FOXP2: variants seen among roughly 807,000 people sequenced by gnomAD.
FOXP2 encodes forkhead box protein P2.
FOXP2 carries 12 observed loss-of-function variants against 115.8 expected under a neutral mutation model. The ratio of observed to expected loss-of-function variants is 0.10; its 90% CI spans 0.07 to 0.17. FOXP2 has a LOEUF of 0.17. Ranked by LOEUF, FOXP2 falls within the 10% of genes least tolerant of loss-of-function variation. The pLI, the probability that FOXP2 is intolerant of heterozygous loss-of-function variation, is 1.00. For missense variants in FOXP2, 629 were observed against 843.5 expected (o/e 0.75, Z 3.15); for synonymous variants, 328 against 297.7 (o/e 1.10, Z -1.05).
At chr7:114,613,608 G>A (rs939167472) in intron 3 of FOXP2, among the ~76,000 whole-genome samples, 3 of 151,412 alleles carry the variant, frequency 2.0e-5, no homozygotes, top group Non-Finnish European at 4.4e-5. Context: ...CCGGGAGGCA[G>A]AGGTTGCAGT....
At chr7:114,311,987 C>G (rs1797157071) in intron 2 of FOXP2, among the ~76,000 whole-genome samples, 1 of 152,046 alleles carries the variant, frequency 6.6e-6, no homozygotes, top group Non-Finnish European at 1.5e-5. Flanking sequence ...CCTTACCAGC[C>G]AAGCTGGGTG....
chr7:114,581,958 A>G (rs1002562975), intron 3 of FOXP2, among the ~76,000 whole-genome samples: 5 of 152,236 alleles, frequency 3.3e-5, no homozygotes, highest in Non-Finnish European at 7.3e-5. Context: ...TCACCAAGAA[A>G]GAAGTACATA....
At chr7:114,173,068 A>T (rs1793190446) in intron 1 of FOXP2, among the ~76,000 whole-genome samples, 1 of 151,950 alleles carries the variant, frequency 6.6e-6, no homozygotes, top group South Asian at 2.1e-4. Context: ...ATTACATTAA[A>T]TATAAGAATA....
chr7:114,450,898 T>C (rs1002635630), intron 2 of FOXP2, among the ~76,000 whole-genome samples: 4 of 152,090 alleles, frequency 2.6e-5, no homozygotes, highest in African/African-American at 9.7e-5. Context: ...CTTTTTGAAC[T>C]TAATGTCTCT....
chr7:114,297,870 A>AT (rs1158070939), intron 2 of FOXP2, among the ~76,000 whole-genome samples: 1 of 152,164 alleles, frequency 6.6e-6, no homozygotes, highest in South Asian at 2.1e-4. Context: ...TGAAAGTATA[A>AT]TTAGTTACCC....
chr7:114,329,757 A>T (rs957067206), intron 2 of FOXP2, among the ~76,000 whole-genome samples: 1 of 149,466 alleles, frequency 6.7e-6, no homozygotes, highest in Non-Finnish European at 1.5e-5. Context: ...GCTCACTGCA[A>T]CCTCCGCCTC....
chr7:114,629,595 T>C, intron 4 of FOXP2: 1 of 1,550,002 alleles, frequency 6.5e-7, no homozygotes. Context: ...TGTTTAGGAT[T>C]TTTTGGATTC....
At chr7:114,490,185 A>G (rs1003065093) in intron 2 of FOXP2, among the ~76,000 whole-genome samples, 4 of 152,190 alleles carry the variant, frequency 2.6e-5, no homozygotes, top group Non-Finnish European at 5.9e-5. Context: ...CTTTCAATAG[A>G]TAAATAGATA....
At chr7:114,576,801 G>A (rs1033088490) in intron 3 of FOXP2, among the ~76,000 whole-genome samples, 3 of 151,794 alleles carry the variant, frequency 2.0e-5, no homozygotes, top group African/African-American at 7.2e-5. Flanking sequence ...TCTAAACATC[G>A]CTTAAGGAAA....
chr7:114,549,452 G>C (rs1040498596), intron 3 of FOXP2, among the ~76,000 whole-genome samples: 1 of 152,132 alleles, frequency 6.6e-6, no homozygotes, highest in Non-Finnish European at 1.5e-5. Flanking sequence ...ATTTTATTCT[G>C]TAAAGGCTGA....
intron 3 of FOXP2, among the ~76,000 whole-genome samples, chr7:114,553,699 G>A (rs983599843): frequency 1.3e-5 from 2 of 152,082 alleles, no homozygotes; most frequent in African/African-American, 4.8e-5. Flanking sequence ...CCTTTTGATA[G>A]CTCTGAGTAT....
chr7:114,600,669 T>A (rs1184940621), intron 3 of FOXP2, among the ~76,000 whole-genome samples: 1 of 152,224 alleles, frequency 6.6e-6, no homozygotes, highest in Non-Finnish European at 1.5e-5. Flanking sequence ...CAGCATTTGA[T>A]GTTAGTGTTC....
chr7:114,484,524 C>T (rs1285368954), intron 2 of FOXP2, among the ~76,000 whole-genome samples: 12 of 151,716 alleles, frequency 7.9e-5, no homozygotes, highest in African/African-American at 2.4e-5. Flanking sequence ...GTAGTGTATT[C>T]GGTATGTATG....
chr7:114,152,608 G>C (rs907893572), intron 1 of FOXP2, among the ~76,000 whole-genome samples: 2 of 152,090 alleles, frequency 1.3e-5, no homozygotes, highest in Non-Finnish European at 2.9e-5. Context: ...CTGGAACATC[G>C]CCTACATGAA....
At chr7:114,524,866 T>C (rs1798789061) in intron 2 of FOXP2, among the ~76,000 whole-genome samples, 2 of 152,170 alleles carry the variant, frequency 1.3e-5, no homozygotes, top group African/African-American at 2.4e-5. Context: ...GGGTGTATTG[T>C]ATATGTGCAT....
intron 3 of FOXP2, among the ~76,000 whole-genome samples, chr7:114,603,439 A>T (rs1803140024): frequency 6.6e-6 from 1 of 152,370 alleles, no homozygotes; most frequent in Admixed American, 6.5e-5. Context: ...TATGCATGGC[A>T]TTTCTGCCAT....
At chr7:114,657,458 C>A (rs1391256479) in intron 10 of FOXP2, among the ~76,000 whole-genome samples, 1 of 152,132 alleles carries the variant, frequency 6.6e-6, no homozygotes, top group Non-Finnish European at 1.5e-5. Flanking sequence ...CTCTCCATCT[C>A]CAATCAGATT....
At chr7:114,156,032 C>T (rs914000971) in intron 1 of FOXP2, among the ~76,000 whole-genome samples, 5 of 152,040 alleles carry the variant, frequency 3.3e-5, no homozygotes, top group Non-Finnish European at 7.4e-5. Context: ...TCACTTGAGG[C>T]GTTCTTCCCT....
chr7:114,086,665 C>T, upstream of FOXP2: 1 of 328,872 alleles, frequency 3.0e-6, no homozygotes, highest in Non-Finnish European at 6.1e-6. Flanking sequence ...CCCACCCTGT[C>T]CCAGCCACCT....
Sources: allele counts gnomAD v4.1 joint callset (sites outside exome capture counted in the v4.1 genomes callset), GRCh38; gene constraint gnomAD v4.1.1; transcripts MANE v1.5; gene names NCBI Gene and HGNC (gene_info 2026-07-23, HGNC 2026-07-21).